Variants in USH2A observed in about 807,000 individuals in gnomAD.
The protein encoded by USH2A is Usher syndrome 2A (autosomal recessive, mild).
A neutral mutation model predicts 538.9 loss-of-function variants in USH2A; 443 were observed. The observed-to-expected ratio is 0.82, with a 90% confidence interval of 0.76 to 0.89. USH2A has a LOEUF of 0.89. Among genes scored for constraint, USH2A ranks in the 40% least tolerant of loss-of-function variants. USH2A has a pLI of 0.00. For missense variants in USH2A, 6,633 were observed against 6,324.8 expected (o/e 1.05, Z -1.65); for synonymous variants, 2,413 against 2,273.5 (o/e 1.06, Z -1.75).
chr1:216,325,263 T>C (rs763404887), intron 6 of USH2A, 42 bp downstream of exon 6: 11 of 1,606,562 alleles, frequency 6.8e-6, no homozygotes, highest in Non-Finnish European at 9.4e-6. Context: ...TTTGTTGCAA[T>C]AACCACAGGA....
chr1:216,413,561 T>C (rs1026845605), intron 3 of USH2A, among the ~76,000 whole-genome samples: 1 of 152,114 alleles, frequency 6.6e-6, no homozygotes, highest in African/African-American at 2.4e-5. Context: ...CAAAAGAGCA[T>C]ACTTCATGAA....
At chr1:215,949,577 G>A (rs1294612933) in intron 37 of USH2A, among the ~76,000 whole-genome samples, 1 of 151,934 alleles carries the variant, frequency 6.6e-6, no homozygotes, top group East Asian at 1.9e-4. Context: ...AATCAGATTA[G>A]AAACAGGTAA....
chr1:215,962,609 G>A (rs569739879), intron 37 of USH2A, among the ~76,000 whole-genome samples: 23 of 151,898 alleles, frequency 1.5e-4, no homozygotes, highest in African/African-American at 5.5e-4. Context: ...TGTGTGAGAT[G>A]AAAACTATAT....
chr1:215,997,239 A>T (rs556669702), intron 34 of USH2A, among the ~76,000 whole-genome samples: 4 of 152,288 alleles, frequency 2.6e-5, no homozygotes, highest in African/African-American at 9.6e-5. Flanking sequence ...GAACTTGAAA[A>T]TAATGTGAGC....
intron 9 of USH2A, among the ~76,000 whole-genome samples, chr1:216,315,573 T>A (rs975423839): frequency 1.8e-4 from 27 of 152,100 alleles, no homozygotes; most frequent in African/African-American, 6.5e-4. Flanking sequence ...AAACTATATA[T>A]TTTTAAGTGG....
At chr1:215,642,038 A>G (rs1474653967) in intron 67 of USH2A, among the ~76,000 whole-genome samples, 2 of 152,188 alleles carry the variant, frequency 1.3e-5, no homozygotes, top group Non-Finnish European at 2.9e-5. Context: ...TCCCTATATC[A>G]TAACAGCACA....
chr1:215,738,240 C>A (rs758259626), intron 60 of USH2A, among the ~76,000 whole-genome samples: 8 of 152,006 alleles, frequency 5.3e-5, no homozygotes, highest in Non-Finnish European at 1.2e-4. Flanking sequence ...TCATACCAGC[C>A]AAACTCATTG....
intron 4 of USH2A, among the ~76,000 whole-genome samples, chr1:216,349,963 CTCA>C (rs1181614531): frequency 6.6e-6 from 1 of 152,054 alleles, no homozygotes; most frequent in Non-Finnish European, 1.5e-5. Flanking sequence ...GGTTAGTTGA[CTCA>C]TAGTTCTGCA....
At chr1:216,056,450 G>C (rs2030976360) in intron 30 of USH2A, among the ~76,000 whole-genome samples, 1 of 152,130 alleles carries the variant, frequency 6.6e-6, no homozygotes, top group African/African-American at 2.4e-5. Flanking sequence ...TGGTGCTCAA[G>C]TCCAGACAGC....
intron 56 of USH2A, among the ~76,000 whole-genome samples, chr1:215,764,901 CTT>C (rs1364543035): frequency 2.4e-4 from 37 of 151,580 alleles, no homozygotes; most frequent in Non-Finnish European, 4.0e-4. Context: ...ATCCATGTTT[CTT>C]CTGCAGAGGA....
At chr1:216,233,874 A>G (rs2035752678) in intron 13 of USH2A, among the ~76,000 whole-genome samples, 1 of 152,116 alleles carries the variant, frequency 6.6e-6, no homozygotes, top group Admixed American at 6.6e-5. Flanking sequence ...GTGTTCATGT[A>G]TGTGTACATA....
At chr1:216,388,793 A>G (rs2039050387) in intron 3 of USH2A, among the ~76,000 whole-genome samples, 1 of 152,236 alleles carries the variant, frequency 6.6e-6, no homozygotes, top group Admixed American at 6.5e-5. Flanking sequence ...TACTTGCTGA[A>G]GCTCTTGACA....
chr1:216,185,010 G>A (rs1466257013), intron 20 of USH2A, among the ~76,000 whole-genome samples: 1 of 151,882 alleles, frequency 6.6e-6, no homozygotes, highest in African/African-American at 2.4e-5. Flanking sequence ...CTCATAAGAA[G>A]GGTTTAAACT....
chr1:215,649,856 C>T (rs1482911318), intron 65 of USH2A, among the ~76,000 whole-genome samples: 2 of 152,210 alleles, frequency 1.3e-5, no homozygotes, highest in Admixed American at 6.5e-5. Context: ...ACAAGCTATA[C>T]CACAGAGACA....
intron 21 of USH2A, among the ~76,000 whole-genome samples, chr1:216,119,465 A>G (rs1032168365): frequency 1.3e-5 from 2 of 151,732 alleles, no homozygotes; most frequent in African/African-American, 4.8e-5. Flanking sequence ...TATACATAAC[A>G]ATATAACATA....
intron 14 of USH2A, among the ~76,000 whole-genome samples, chr1:216,230,328 A>G (rs1572071494): frequency 6.6e-6 from 1 of 152,200 alleles, no homozygotes; most frequent in East Asian, 1.9e-4. Context: ...AGTGCTTTTT[A>G]TTTACTATTT....
At chr1:216,186,371 T>G (rs975052062) in intron 20 of USH2A, among the ~76,000 whole-genome samples, 1 of 151,884 alleles carries the variant, frequency 6.6e-6, no homozygotes, top group East Asian at 1.9e-4. Context: ...TAGGTCACAT[T>G]TCTCTTGCTT....
Position 215,674,380 on chromosome 1 carries a change from C to T in USH2A, c.13531G>A (p.Ala4511Thr). ...AAAATACCCCCTTGGCTGTTGCTGG[C>T]AGTTACTGTGTAGCTATACTCCACA... is the stretch of plus-strand genomic sequence containing the variant. ...PGVEYSYTVT[A>T]SNSQGGILSP... Residue 4511 changes from alanine to threonine, a missense_variant, in exon 63 of 72, where the codon GCC becomes ACC. Coordinates refer to ENST00000307340, the MANE Select transcript of USH2A (RefSeq NM_206933.4). The T allele has an allele frequency of 1.2e-6, 2 of 1,614,098 alleles. No homozygotes were observed. The highest frequency in any genetic ancestry group is 1.7e-6 in the Non-Finnish European group (2 of 1,180,012).
chr1:215,819,369 G>T (rs769355338), intron 47 of USH2A, among the ~76,000 whole-genome samples: 1 of 150,988 alleles, frequency 6.6e-6, no homozygotes, highest in Non-Finnish European at 1.5e-5. Flanking sequence ...GTTAAAAAGC[G>T]GCAGTCAAGA....
Sources: allele counts gnomAD v4.1 joint callset (sites outside exome capture counted in the v4.1 genomes callset), GRCh38; gene constraint gnomAD v4.1.1; transcripts MANE v1.5; gene names NCBI Gene and HGNC (gene_info 2026-07-23, HGNC 2026-07-21).